CRIM1: variants seen among roughly 807,000 people sequenced by gnomAD.
CRIM1 encodes the protein cysteine rich transmembrane BMP regulator 1, also known as cysteine-rich motor neuron 1 protein.
CRIM1 carries 32 observed loss-of-function variants against 116.4 expected under a neutral mutation model. That is an observed-to-expected ratio of 0.27 (90% CI 0.21 to 0.37). The LOEUF is 0.37. Among genes scored for constraint, CRIM1 ranks in the 10% least tolerant of loss-of-function variants. The pLI, the probability that CRIM1 is intolerant of heterozygous loss-of-function variation, is 1.00. For missense variants in CRIM1, 1,331 were observed against 1,354.8 expected, an observed-to-expected ratio of 0.98 and a Z score of 0.28; for synonymous variants, 590 against 509.2, an observed-to-expected ratio of 1.16 and a Z score of -2.13.
In CRIM1 at chr2:36,400,654, C is replaced by A. The variant is rs185139152; in HGVS notation, c.505+3867C>A. Among the ~76,000 whole-genome samples the A allele has an allele frequency of 1.7e-3, 258 of 152,052 alleles. 1 individual carries two copies. Among genetic ancestry groups the A allele is most frequent in the African/African-American group, 5.9e-3 (243 of 41,476 alleles). On this transcript the variant is annotated intron_variant, in intron 2 of 16. Transcript: ENST00000280527. ...AAGCCATTCCCATTTGAGAAGACTTCAAGGGAAAAAGAGTAATCAGGTACT... is the reference window on the plus strand; with the variant it reads ...AAGCCATTCCCATTTGAGAAGACTTAAAGGGAAAAAGAGTAATCAGGTACT...
intron 2 of CRIM1, among the ~76,000 whole-genome samples, chr2:36,418,642 G>A: frequency 6.6e-6 from 1 of 152,136 alleles, no homozygotes; most frequent in East Asian, 1.9e-4. Context: ...CAATGCAGAG[G>A]TGGTATAAAG....
In CRIM1 at chr2:36,479,705, C is replaced by G. The variant is rs1572836221; in HGVS notation, c.1372+11C>G. The stretch of plus-strand genomic sequence containing the variant: ...GCCCTGTGTGCGAAGGTAAATCTTG[C>G]AGATGCTAATGAGTCCCTGGTGAAT... On this transcript the variant is annotated intron_variant, in intron 7 of 16. Coordinates refer to ENST00000280527, the MANE Select transcript of CRIM1 (RefSeq NM_016441.3). 3 of 1,613,108 alleles carry G rather than the reference C, an allele frequency of 1.9e-6. No homozygotes were observed. Among genetic ancestry groups the G allele is most frequent in the East Asian group, 4.5e-5 (2 of 44,882 alleles).
chr2:36,358,381 C>T (rs1357381081), intron 1 of CRIM1, among the ~76,000 whole-genome samples: 1 of 152,222 alleles, frequency 6.6e-6, no homozygotes, highest in African/African-American at 2.4e-5. Flanking sequence ...ACATGAAACA[C>T]AGTTAAATGC....
intron 7 of CRIM1, among the ~76,000 whole-genome samples, chr2:36,491,672 A>G (rs1680237298): frequency 6.6e-6 from 1 of 152,160 alleles, no homozygotes; most frequent in Non-Finnish European, 1.5e-5. Flanking sequence ...ACAATGAATG[A>G]AGTATTGTCC....
intron 1 of CRIM1, among the ~76,000 whole-genome samples, chr2:36,387,743 C>T (rs1202223363): frequency 6.6e-6 from 1 of 152,190 alleles, no homozygotes; most frequent in African/African-American, 2.4e-5. Context: ...AAATAGACAT[C>T]AGAGTATCTG....
In CRIM1 at chr2:36,464,821, A is replaced by C. The variant is rs114043284; in HGVS notation, c.991+166A>C. Among the ~76,000 whole-genome samples the C allele has an allele frequency of 3.2e-3, 493 of 152,326 alleles. 4 individuals carry two copies. Among genetic ancestry groups the C allele is most frequent in the African/African-American group, 0.011 (478 of 41,566 alleles). On this transcript the variant is annotated intron_variant, in intron 5 of 16. Transcript: ENST00000280527. ...CTTAAGATCCACAGTGCAGTAAAGA[A>C]AGTTAGGTTAGGAACTATCATTCCA... is the stretch of plus-strand genomic sequence containing the variant.
At chr2:36,497,006 A>T (rs952357372) in intron 7 of CRIM1, among the ~76,000 whole-genome samples, 5 of 152,206 alleles carry the variant, frequency 3.3e-5, no homozygotes, top group African/African-American at 1.2e-4. Flanking sequence ...AATCCCTAAA[A>T]TTCACTGCTG....
chr2:36,472,061 G>C (rs994158360), intron 5 of CRIM1, among the ~76,000 whole-genome samples: 5 of 152,164 alleles, frequency 3.3e-5, no homozygotes, highest in Admixed American at 6.5e-5. Context: ...CAAGAAGGAA[G>C]GGAAGATCCC....
At chr2:36,418,616 G>A (rs1394830405) in intron 2 of CRIM1, among the ~76,000 whole-genome samples, 1 of 152,106 alleles carries the variant, frequency 6.6e-6, no homozygotes, top group Non-Finnish European at 1.5e-5. Flanking sequence ...CCATGTCCGG[G>A]TTCCCCTTTT....
At chr2:36,498,745 C>T (rs926329219) in intron 7 of CRIM1, among the ~76,000 whole-genome samples, 1 of 151,982 alleles carries the variant, frequency 6.6e-6, no homozygotes. Flanking sequence ...TTAAGCTAGT[C>T]TCAAAAACTG....
At chr2:36,399,739 A>T (rs766302300) in intron 2 of CRIM1, among the ~76,000 whole-genome samples, 7 of 152,258 alleles carry the variant, frequency 4.6e-5, no homozygotes, top group Non-Finnish European at 8.8e-5. Flanking sequence ...AGGCGATTGC[A>T]GGAGCAAAGA....
Position 36,550,928 on chromosome 2 carries a change from C to T in CRIM1, c.*2227C>T, listed in dbSNP as rs920580121. On this transcript the variant is annotated 3_prime_UTR_variant, in exon 17 of 17. Transcript: ENST00000280527. ...TATTATTTTAAAGATATGATTTATC[C>T]TGAGTGCTGTATCTATTACTCTTTT... 2.0e-5 allele frequency: 3 copies of T among 152,434 alleles called. No homozygotes were observed. The highest frequency in any genetic ancestry group is 4.4e-5 in the Non-Finnish European group (3 of 68,014). 9.4% of individuals were successfully genotyped at this position (152,434 alleles called of 1,614,324 possible).
At chr2:36,532,104 G>C in intron 13 of CRIM1, 1 of 408,724 alleles carries the variant, frequency 2.4e-6, no homozygotes, top group South Asian at 1.9e-5. Context: ...TAGCGAAGCC[G>C]ATCTAAACCA....
intron 2 of CRIM1, among the ~76,000 whole-genome samples, chr2:36,405,162 C>G (rs567278012): frequency 6.6e-6 from 1 of 152,126 alleles, no homozygotes; most frequent in Non-Finnish European, 1.5e-5. Context: ...CTTTTTTTCT[C>G]AAAAGCATTT....
intron 10 of CRIM1, 101 bp from the exon 11 acceptor site, chr2:36,513,455 G>A (rs1324708074): frequency 9.4e-5 from 80 of 855,160 alleles, no homozygotes; most frequent in Admixed American, 6.1e-4. Flanking sequence ...TGTGTTAGAC[G>A]TAATTGTTGG....
Position 36,517,526 on chromosome 2 carries a change from C to G in CRIM1, c.2190C>G (p.Cys730Trp). 1 of 1,613,688 alleles carries G rather than the reference C, an allele frequency of 6.2e-7. No individual in the cohort carries two copies. Among genetic ancestry groups the G allele is most frequent in the Non-Finnish European group, 8.5e-7 (1 of 1,179,818 alleles). ...ACCCCTCACGCACCCAGGATTCCTGCTGCCCACAGTGTACAGGTAAGCGAC... is the reference window on the plus strand; with the variant it reads ...ACCCCTCACGCACCCAGGATTCCTGGTGCCCACAGTGTACAGGTAAGCGAC... ...CQNPSRTQDS[C>W]CPQCTDQPFR... The change falls in exon 12 of 17, where the codon TGC becomes TGG. Residue 730 changes from cysteine (C) to tryptophan (W), a missense_variant. Physicochemically the swap from Cys to Trp is radical, Grantham distance 215. Around this residue, in one of 3 missense-constraint regions of CRIM1, gnomAD observed 358 missense variants for 436.1 expected, o/e 0.82. Coordinates refer to ENST00000280527, the MANE Select transcript of CRIM1 (RefSeq NM_016441.3).
chr2:36,416,821 G>A (rs910310614), intron 2 of CRIM1, among the ~76,000 whole-genome samples: 5 of 152,184 alleles, frequency 3.3e-5, no homozygotes, highest in African/African-American at 9.7e-5. Flanking sequence ...CCTCCCATGA[G>A]CTTTCCTGAT....
intron 2 of CRIM1, among the ~76,000 whole-genome samples, chr2:36,434,124 G>T (rs1675107411): frequency 1.3e-5 from 2 of 152,160 alleles, no homozygotes; most frequent in African/African-American, 4.8e-5. Flanking sequence ...TAACTTTAAA[G>T]GAGTCAGTCT....
intron 5 of CRIM1, among the ~76,000 whole-genome samples, chr2:36,472,382 A>T (rs890054787): frequency 3.3e-5 from 5 of 152,094 alleles, no homozygotes; most frequent in Admixed American, 2.6e-4. Context: ...CATCAAACAG[A>T]TTTCATTGTG....
Sources: gnomAD v4.1 joint callset for allele counts (sites outside exome capture counted in the v4.1 genomes callset) on GRCh38, gnomAD v4.1.1 for gene constraint, gnomAD v4.1.1 regional missense constraint, MANE v1.5 for transcripts, NCBI Gene and HGNC (gene_info 2026-07-23, HGNC 2026-07-21) for gene names.